Variants in LIPI observed in about 807,000 individuals in gnomAD.
The protein encoded by LIPI is lipase I.
A neutral mutation model predicts 50.6 loss-of-function variants in LIPI; 59 were observed. The ratio of observed to expected loss-of-function variants is 1.16; its 90% CI spans 0.94 to 1.45. The LOEUF (loss-of-function observed/expected upper bound fraction) is 1.45, where lower values mean the gene tolerates loss of function less well. Among genes scored for constraint, LIPI ranks in the 40% most tolerant of loss-of-function variants. LIPI has a pLI of 0.00. For synonymous variants in LIPI, 203 were observed against 178.2 expected, an observed-to-expected ratio of 1.14 and a Z score of -1.11; for missense variants, 586 against 536.3, an observed-to-expected ratio of 1.09 and a Z score of -0.92.
intron 7 of LIPI, among the ~76,000 whole-genome samples, chr21:14,158,164 C>A (rs2018336872): frequency 6.6e-6 from 1 of 151,680 alleles, no homozygotes; most frequent in Non-Finnish European, 1.5e-5. Context: ...ACATGTATTG[C>A]CAGTACACAT....
intron 9 of LIPI, among the ~76,000 whole-genome samples, chr21:14,116,097 G>C (rs1356921361): frequency 6.6e-6 from 1 of 151,998 alleles, no homozygotes; most frequent in Non-Finnish European, 1.5e-5. Flanking sequence ...GGGTAGGAGT[G>C]GTGTGTGTAT....
At chr21:14,120,942 G>A (rs2016839008) in intron 9 of LIPI, among the ~76,000 whole-genome samples, 1 of 152,126 alleles carries the variant, frequency 6.6e-6, no homozygotes, top group Admixed American at 6.5e-5. Flanking sequence ...ATAACCTAAG[G>A]AAAGGGCCTA....
chr21:14,147,474 C>T (rs544761271), intron 8 of LIPI, among the ~76,000 whole-genome samples: 77 of 152,196 alleles, frequency 5.1e-4, no homozygotes, highest in Middle Eastern at 3.4e-3. Flanking sequence ...TGTAGATAAT[C>T]ATTAAAAATT....
chr21:14,178,263 A>C (rs1217428520), intron 4 of LIPI, among the ~76,000 whole-genome samples: 1 of 152,148 alleles, frequency 6.6e-6, no homozygotes, highest in East Asian at 1.9e-4. Flanking sequence ...ATGAGATAAT[A>C]TCTCTTTAAA....
At chr21:14,159,153 T>C (rs1415335221) in intron 7 of LIPI, among the ~76,000 whole-genome samples, 1 of 151,416 alleles carries the variant, frequency 6.6e-6, no homozygotes, top group Non-Finnish European at 1.5e-5. Flanking sequence ...ATTATTATAG[T>C]AGTACGAATA....
chr21:14,147,350 T>C (rs761840874), intron 8 of LIPI, among the ~76,000 whole-genome samples: 1 of 152,188 alleles, frequency 6.6e-6, no homozygotes, highest in Non-Finnish European at 1.5e-5. Context: ...TATAATTTTA[T>C]AATTATTTGA....
chr21:14,152,335 G>T (rs192871575), intron 8 of LIPI, among the ~76,000 whole-genome samples: 1 of 151,932 alleles, frequency 6.6e-6, no homozygotes, highest in Non-Finnish European at 1.5e-5. Flanking sequence ...CTCCTGATAC[G>T]CTTAGAACTT....
intron 7 of LIPI, among the ~76,000 whole-genome samples, chr21:14,161,807 GTATAATATATACAAATATATATTAATA>G (rs71183409): frequency 0.19 from 6,174 of 31,812 alleles, 2,176 homozygotes; most frequent in East Asian, 0.47. Context: ...ATATATTAAT[GTATAATATATACAAATATATATTAATA>G]TATAATATAT....
intron 1 of LIPI, among the ~76,000 whole-genome samples, chr21:14,202,164 T>A (rs1208257677): frequency 6.6e-6 from 1 of 152,160 alleles, no homozygotes; most frequent in Non-Finnish European, 1.5e-5. Flanking sequence ...TACAAACCAC[T>A]GCTCAATGAA....
At chr21:14,206,686 A>G in intron 1 of LIPI, 1 of 640,576 alleles carries the variant, frequency 1.6e-6, no homozygotes, top group Non-Finnish European at 2.7e-6. Flanking sequence ...TTTGTTAACA[A>G]CAACAATATT....
intron 1 of LIPI, 146 bp from the exon 2 acceptor site, chr21:14,189,565 T>C: frequency 1.5e-6 from 1 of 686,188 alleles, no homozygotes. Context: ...AACTGCAATG[T>C]TGAAGGTAAT....
intron 3 of LIPI, among the ~76,000 whole-genome samples, chr21:14,183,481 T>C (rs1289811211): frequency 6.6e-6 from 1 of 152,142 alleles, no homozygotes; most frequent in African/African-American, 2.4e-5. Flanking sequence ...AAATGGGATC[T>C]AATTAAACTA....
intron 9 of LIPI, among the ~76,000 whole-genome samples, chr21:14,109,499 T>A (rs1003569999): frequency 2.0e-5 from 3 of 152,090 alleles, no homozygotes; most frequent in Non-Finnish European, 4.4e-5. Flanking sequence ...TTATGCCACC[T>A]ACTAAAATGG....
chr21:14,121,581 A>G (rs1158146786), intron 9 of LIPI, among the ~76,000 whole-genome samples: 2 of 152,226 alleles, frequency 1.3e-5, no homozygotes, highest in Non-Finnish European at 2.9e-5. Flanking sequence ...TGTTAGCCTT[A>G]CAGATGCAAT....
intron 9 of LIPI, among the ~76,000 whole-genome samples, chr21:14,119,470 C>T (rs1284686094): frequency 6.6e-6 from 1 of 152,166 alleles, no homozygotes; most frequent in Non-Finnish European, 1.5e-5. Context: ...CTGTAGCATT[C>T]CTCAGCCAGA....
intron 1 of LIPI, among the ~76,000 whole-genome samples, chr21:14,204,928 A>T (rs574721374): frequency 2.0e-5 from 3 of 151,868 alleles, no homozygotes; most frequent in Non-Finnish European, 4.4e-5. Context: ...AAACATCTGT[A>T]CATAAAGAAA....
intron 4 of LIPI, among the ~76,000 whole-genome samples, chr21:14,172,945 C>T (rs1328433778): frequency 2.6e-5 from 4 of 152,102 alleles, no homozygotes; most frequent in South Asian, 2.1e-4. Context: ...TGGAAGGAAA[C>T]CATAATAAAC....
chr21:14,128,991 T>C (rs2017177987), intron 9 of LIPI, among the ~76,000 whole-genome samples: 1 of 151,996 alleles, frequency 6.6e-6, no homozygotes, highest in African/African-American at 2.4e-5. Flanking sequence ...TAATACAAAT[T>C]TTCCAAGAAT....
intron 9 of LIPI, among the ~76,000 whole-genome samples, chr21:14,114,177 C>CA (rs78186842): frequency 0.13 from 16,994 of 127,694 alleles, 1,101 homozygotes; most frequent in Admixed American, 0.21. Context: ...GACTCTGTCT[C>CA]AAAAAAAAAA....
Sources: allele counts gnomAD v4.1 joint callset (sites outside exome capture counted in the v4.1 genomes callset), GRCh38; gene constraint gnomAD v4.1.1; transcripts MANE v1.5; gene names NCBI Gene and HGNC (gene_info 2026-07-23, HGNC 2026-07-21).